The following UNC79 variants were observed in gnomAD, a reference collection of about 807,000 sequenced individuals.
UNC79 encodes the protein protein unc-79 homolog.
UNC79 carries 37 observed loss-of-function variants against 283.1 expected under a neutral mutation model. The ratio of observed to expected loss-of-function variants is 0.13; its 90% confidence interval spans 0.10 to 0.17. The LOEUF (loss-of-function observed/expected upper bound fraction) is 0.17. Ranked by LOEUF, UNC79 falls within the 10% of genes least tolerant of loss-of-function variation. The probability of loss-of-function intolerance (pLI) is 1.00; values close to 1 mark genes in which losing one functional copy is unlikely to be tolerated. For missense variants in UNC79, 2,272 were observed against 3,211.1 expected, an observed-to-expected ratio of 0.71 and a Z score of 7.07; for synonymous variants, 1,107 against 1,200.2, an observed-to-expected ratio of 0.92 and a Z score of 1.61.
In UNC79 at chr14:93,542,820, A is replaced by G. The variant is rs149619762; in HGVS notation, c.1755+124A>G. The stretch of plus-strand genomic sequence containing the variant: ...AACATCTCTCCTTATTTTAATTAAT[A>G]TAGCTAAATGAATTTAGTAACTGTA... On this transcript the variant is annotated intron_variant, in intron 14 of 48. Transcript: ENST00000555664. 2.2e-5 allele frequency: 19 copies of G among 864,476 alleles called. No homozygotes were observed. The East Asian group carries it at 4.0e-4, about 18-fold the overall frequency. 53.6% of individuals were successfully genotyped at this position (864,476 alleles called of 1,614,324 possible).
At chr14:93,691,873 C>A (rs776203945) in exon 46 of UNC79, 1 of 1,614,170 alleles carries the variant, frequency 6.2e-7, no homozygotes, top group South Asian at 1.1e-5. Context: ...AGCTTCACGG[C>A]GATACTGACA....
At chr14:93,539,059 C>A (rs955863079) in intron 12 of UNC79, among the ~76,000 whole-genome samples, 2 of 150,822 alleles carry the variant, frequency 1.3e-5, no homozygotes, top group African/African-American at 4.9e-5. Context: ...CGCACCCCCA[C>A]GCCCGGCTAA....
chr14:93,537,681 T>A (rs893381750), intron 11 of UNC79, among the ~76,000 whole-genome samples: 1 of 152,220 alleles, frequency 6.6e-6, no homozygotes, highest in African/African-American at 2.4e-5. Flanking sequence ...TAACTTGAAA[T>A]AATCCAGAAA....
chr14:93,704,619 A>T lies in UNC79; in HGVS notation c.7549-6A>T, dbSNP rs1566950896. 1.2e-6 allele frequency: 2 copies of T among 1,614,066 alleles called. No individual in the cohort carries two copies. The highest frequency in any genetic ancestry group is 1.7e-6 in the Non-Finnish European group (2 of 1,180,020). On this transcript the variant is annotated splice_region_variant and splice_polypyrimidine_tract_variant and intron_variant, in intron 47 of 48. Coordinates refer to ENST00000555664, the Ensembl canonical transcript of UNC79. ...AATAATGAAGCTTTTGTCTTTCTCT[A>T]TACAGCTGATACCTATGTGGTTGCC...
At chr14:93,341,523 C>T (rs1028538850) in intron 1 of UNC79, among the ~76,000 whole-genome samples, 9 of 149,872 alleles carry the variant, frequency 6.0e-5, no homozygotes, top group African/African-American at 1.2e-4. Flanking sequence ...CTAGCACTTT[C>T]GGAGGCTGAG....
At chr14:93,561,563 G>C (rs1186861886) in intron 14 of UNC79, among the ~76,000 whole-genome samples, 1 of 152,174 alleles carries the variant, frequency 6.6e-6, no homozygotes, top group Non-Finnish European at 1.5e-5. Context: ...GCTCGCTAAG[G>C]AGGGATTAGA....
At position 93,558,327 on chromosome 14, in the gene UNC79, C is replaced by T. The variant is rs1354528174; in HGVS notation, c.1756-13567C>T. On this transcript the variant is annotated intron_variant, in intron 14 of 48. Transcript: ENST00000555664. ...ATCCCAGCACTTTGGGAGGCTGAGG[C>T]GGGCAGATCATGAGGTCAGGAGATC... Among the ~76,000 whole-genome samples the T allele has an allele frequency of 2.0e-5, 3 of 152,130 alleles. No individual in the cohort carries two copies. The South Asian group carries it at 6.2e-4, about 32-fold the overall frequency.
chr14:93,622,449 G>A (rs2067208756), exon 30 of UNC79: 2 of 1,614,050 alleles, frequency 1.2e-6, no homozygotes, highest in South Asian at 1.1e-5. Context: ...TCCTGCGGTA[G>A]CCCACTGACG....
At chr14:93,522,368 T>C (rs943557595) in intron 7 of UNC79, among the ~76,000 whole-genome samples, 1 of 152,030 alleles carries the variant, frequency 6.6e-6, no homozygotes, top group African/African-American at 2.4e-5. Context: ...TGATTAGTGG[T>C]GACTTCTTGG....
intron 7 of UNC79, among the ~76,000 whole-genome samples, chr14:93,517,055 GTT>G (rs2060096419): frequency 6.6e-6 from 1 of 151,748 alleles, no homozygotes; most frequent in South Asian, 2.1e-4. Flanking sequence ...TCACTTCTTA[GTT>G]TTTGTGGCTT....
intron 1 of UNC79, among the ~76,000 whole-genome samples, chr14:93,448,400 A>G (rs546412483): frequency 2.0e-5 from 3 of 152,084 alleles, no homozygotes; most frequent in African/African-American, 7.2e-5. Context: ...CATTTCTCTG[A>G]TGAGAGTTTC....
intron 2 of UNC79, among the ~76,000 whole-genome samples, chr14:93,471,764 G>A (rs1432586186): frequency 2.0e-5 from 3 of 151,728 alleles, no homozygotes; most frequent in Admixed American, 6.6e-5. Context: ...CAACCTCACC[G>A]AATTCTCAAA....
chr14:93,617,187 C>T lies in UNC79; in HGVS notation c.4107C>T (p.Tyr1369=), dbSNP rs139990190. ...CCTTAGTGGTTCAGGTGCTCAAATA[C>T]TGCTCTTGTCCTCAACTCCGGCATT... The change falls in exon 28 of 49, where the codon TAC becomes TAT. Residue 1369 remains tyrosine, a synonymous_variant. Coordinates refer to ENST00000555664, the Ensembl canonical transcript of UNC79. This position sits in a 1 kb window ranked among gnomAD's most constrained non-coding sequence, Gnocchi z 4.5. 64 of 1,614,156 alleles carry T rather than the reference C, an allele frequency of 4.0e-5. No homozygotes were observed. Among genetic ancestry groups the T allele is most frequent in the Middle Eastern group, 1.6e-4 (1 of 6,062 alleles).
At chr14:93,561,550 A>G (rs2062554208) in intron 14 of UNC79, among the ~76,000 whole-genome samples, 1 of 152,086 alleles carries the variant, frequency 6.6e-6, no homozygotes, top group Admixed American at 6.6e-5. Context: ...AAAGCAAGCA[A>G]TTGCTCGCTA....
chr14:93,636,796 C>T (rs1303948278), intron 31 of UNC79, among the ~76,000 whole-genome samples: 1 of 152,182 alleles, frequency 6.6e-6, no homozygotes, highest in Non-Finnish European at 1.5e-5. Context: ...TTCCTTCTAC[C>T]AGTTCCACAT....
At chr14:93,535,816 G>A (rs185388717) in intron 11 of UNC79, among the ~76,000 whole-genome samples, 43 of 152,280 alleles carry the variant, frequency 2.8e-4, no homozygotes, top group Admixed American at 9.8e-4. Flanking sequence ...TGGAAGCTGC[G>A]TGTCCTTTTA....
chr14:93,677,809 C>T (rs867648196), intron 41 of UNC79, among the ~76,000 whole-genome samples: 1 of 152,126 alleles, frequency 6.6e-6, no homozygotes, highest in African/African-American at 2.4e-5. Flanking sequence ...ACCACCACAC[C>T]CAGCTAATTT....
intron 7 of UNC79, among the ~76,000 whole-genome samples, chr14:93,510,413 T>A (rs1315408111): frequency 6.6e-6 from 1 of 152,268 alleles, no homozygotes; most frequent in Non-Finnish European, 1.5e-5. Context: ...ATTTTCCAAA[T>A]TTTTATGTTC....
chr14:93,342,321 A>G (rs1169919982), intron 1 of UNC79, among the ~76,000 whole-genome samples: 1 of 152,216 alleles, frequency 6.6e-6, no homozygotes, highest in African/African-American at 2.4e-5. Context: ...CTCTGAAGCA[A>G]TGACTCAAGC....
Sources: allele counts gnomAD v4.1 joint callset (sites outside exome capture counted in the v4.1 genomes callset), GRCh38; gene constraint gnomAD v4.1.1; non-coding constraint Gnocchi (gnomAD v3.1); transcripts MANE v1.5; gene names NCBI Gene and HGNC (gene_info 2026-07-23, HGNC 2026-07-21).